CTIF: variants seen among roughly 807,000 people sequenced by gnomAD.
The protein encoded by CTIF is cap binding complex dependent translation initiation factor.
In CTIF, 21 loss-of-function variants were observed where a neutral mutation model predicts 66.0. The ratio of observed to expected loss-of-function variants is 0.32; its 90% CI spans 0.23 to 0.46. The LOEUF is 0.46. CTIF is among the 20% of genes least tolerant of loss of function. CTIF has a pLI of 1.00. For synonymous variants in CTIF, 345 were observed against 326.4 expected (o/e 1.06, Z -0.62); for missense variants, 739 against 812.7 (o/e 0.91, Z 1.10).
intron 9 of CTIF, among the ~76,000 whole-genome samples, chr18:48,783,869 A>G (rs1911472588): frequency 6.6e-6 from 1 of 151,338 alleles, no homozygotes; most frequent in Non-Finnish European, 1.5e-5. Context: ...AGAGGCACCC[A>G]GTCAGCACTC....
At chr18:48,857,429 T>C (rs750032496) in intron 10 of CTIF, among the ~76,000 whole-genome samples, 159 bp from the exon 11 acceptor site, 3 of 152,242 alleles carry the variant, frequency 2.0e-5, no homozygotes, top group Non-Finnish European at 4.4e-5. Flanking sequence ...TTCTGCTCTC[T>C]GACTTTTGTG....
chr18:48,758,404 A>C lies in CTIF; in HGVS notation c.1070A>C (p.Lys357Thr). The change falls in exon 8 of 12, where the codon AAG becomes ACG. Residue 357 changes from lysine (K) to threonine (T), a missense_variant and splice_region_variant. By Grantham distance (78) the Lys-to-Thr change is moderately conservative. This residue lies in a region of CTIF where 529 missense variants were observed against 520.3 expected (regional missense o/e 1.02). Transcript: ENST00000256413. ...KDRLRRRLKE[K>T]DEVAVETTTP... ...AGACTGCGGCGAAGGCTAAAGGAAAAGGTACCGGTAATTGAATTTTTGTTC... is the reference window on the plus strand; with the variant it reads ...AGACTGCGGCGAAGGCTAAAGGAAACGGTACCGGTAATTGAATTTTTGTTC... The C allele has an allele frequency of 6.4e-7, 1 of 1,569,636 alleles. No homozygotes were observed. The highest frequency in any genetic ancestry group is 8.6e-7 in the Non-Finnish European group (1 of 1,160,290).
chr18:48,607,105 A>C (rs775041829), intron 1 of CTIF, among the ~76,000 whole-genome samples: 51 of 152,208 alleles, frequency 3.4e-4, no homozygotes, highest in Middle Eastern at 6.3e-3. Context: ...GGAAAGGTCA[A>C]AGGGCAGCTG....
rs1174705471 is a variant in CTIF, at chr18:48,788,545, T to A, written c.1371+26856T>A. 2.0e-5 allele frequency among the ~76,000 whole-genome samples: 3 copies of A among 152,210 alleles called. No individual in the cohort carries two copies. In the East Asian group the frequency reaches 5.8e-4, roughly 29 times the overall value. ...CAGGGCCACACCACCTGAAGCATTTTTCCCCTGCCTGGCCACATACCTGCC... is the reference window on the plus strand; with the variant it reads ...CAGGGCCACACCACCTGAAGCATTTATCCCCTGCCTGGCCACATACCTGCC... On this transcript the variant is annotated intron_variant, in intron 9 of 11. Coordinates refer to ENST00000256413, the MANE Select transcript of CTIF (RefSeq NM_014772.3).
chr18:48,610,214 C>A (rs1039961472), intron 1 of CTIF, among the ~76,000 whole-genome samples: 6 of 152,214 alleles, frequency 3.9e-5, no homozygotes, highest in African/African-American at 1.4e-4. Flanking sequence ...TGGGTAGCAG[C>A]CCAGAGGCGG....
intron 1 of CTIF, among the ~76,000 whole-genome samples, chr18:48,563,106 G>T (rs1398153975): frequency 6.6e-6 from 1 of 152,234 alleles, no homozygotes; most frequent in Non-Finnish European, 1.5e-5. Context: ...GCCTGGGGCT[G>T]CAGACCGGCC....
chr18:48,641,671 C>T (rs2090935619), intron 3 of CTIF, among the ~76,000 whole-genome samples: 1 of 152,226 alleles, frequency 6.6e-6, no homozygotes, highest in Non-Finnish European at 1.5e-5. Context: ...ACACTGGCTC[C>T]AAGCACCTAT....
At chr18:48,559,376 A>G (rs748670520) in intron 1 of CTIF, among the ~76,000 whole-genome samples, 1 of 152,142 alleles carries the variant, frequency 6.6e-6, no homozygotes, top group Non-Finnish European at 1.5e-5. Context: ...ATCCTAACAA[A>G]CAAAAGAATA....
At chr18:48,727,710 C>A (rs1238814507) in intron 7 of CTIF, among the ~76,000 whole-genome samples, 1 of 152,196 alleles carries the variant, frequency 6.6e-6, no homozygotes, top group Non-Finnish European at 1.5e-5. Context: ...CTGAGAAGAT[C>A]TTTAACATCT....
At chr18:48,709,826 A>G (rs1034427771) in intron 6 of CTIF, among the ~76,000 whole-genome samples, 1 of 152,248 alleles carries the variant, frequency 6.6e-6, no homozygotes, top group African/African-American at 2.4e-5. Flanking sequence ...CCAGAGGCCT[A>G]TTGTGGCTGC....
intron 3 of CTIF, among the ~76,000 whole-genome samples, chr18:48,647,210 T>C (rs141753754): frequency 6.6e-6 from 1 of 152,346 alleles, no homozygotes; most frequent in Non-Finnish European, 1.5e-5. Context: ...CAAAGTCGCA[T>C]ACTCTGCAAT....
intron 1 of CTIF, among the ~76,000 whole-genome samples, chr18:48,588,578 C>T (rs1038581667): frequency 2.0e-5 from 3 of 152,202 alleles, no homozygotes; most frequent in African/African-American, 7.2e-5. Context: ...TCCTGCCTCT[C>T]CTGACCCCTG....
chr18:48,650,617 C>T (rs1249088552), intron 3 of CTIF, among the ~76,000 whole-genome samples: 1 of 152,136 alleles, frequency 6.6e-6, no homozygotes, highest in African/African-American at 2.4e-5. Context: ...TCAGGAAATA[C>T]AGAGAACACC....
At chr18:48,839,802 A>T (rs1466887997) in intron 10 of CTIF, among the ~76,000 whole-genome samples, 1 of 152,128 alleles carries the variant, frequency 6.6e-6, no homozygotes, top group Admixed American at 6.6e-5. Flanking sequence ...GACACCCTGG[A>T]GAAGTTGGAC....
intron 9 of CTIF, among the ~76,000 whole-genome samples, chr18:48,777,268 C>T (rs991319669): frequency 3.9e-5 from 6 of 152,234 alleles, no homozygotes; most frequent in Non-Finnish European, 8.8e-5. Flanking sequence ...CACCAGTGTG[C>T]AAGGCCAGCC....
intron 10 of CTIF, among the ~76,000 whole-genome samples, chr18:48,850,278 G>A (rs909904060): frequency 6.6e-6 from 1 of 152,154 alleles, no homozygotes; most frequent in Non-Finnish European, 1.5e-5. Context: ...TGAACACTTG[G>A]GTTGTTCCGC....
intron 6 of CTIF, among the ~76,000 whole-genome samples, chr18:48,678,875 G>T (rs2091691040): frequency 6.6e-6 from 1 of 152,178 alleles, no homozygotes; most frequent in South Asian, 2.1e-4. Context: ...TTTAGGGATT[G>T]GCAAACTGGT....
At chr18:48,581,807 G>T (rs2089664239) in intron 1 of CTIF, among the ~76,000 whole-genome samples, 1 of 152,184 alleles carries the variant, frequency 6.6e-6, no homozygotes, top group Non-Finnish European at 1.5e-5. Flanking sequence ...AGGCAGGGAG[G>T]GACAGCAGAC....
At chr18:48,552,753 C>A (rs1004978530) in intron 1 of CTIF, among the ~76,000 whole-genome samples, 1 of 152,194 alleles carries the variant, frequency 6.6e-6, no homozygotes, top group Non-Finnish European at 1.5e-5. Flanking sequence ...CCAGGCCACA[C>A]AGCTAAGAAG....
Sources: gnomAD v4.1 joint callset for allele counts (sites outside exome capture counted in the v4.1 genomes callset) on GRCh38, gnomAD v4.1.1 for gene constraint, gnomAD v4.1.1 regional missense constraint, MANE v1.5 for transcripts, NCBI Gene and HGNC (gene_info 2026-07-23, HGNC 2026-07-21) for gene names.